The following UBR1 variants were observed in gnomAD, a reference collection of about 807,000 sequenced individuals.
The protein encoded by UBR1 is E3 ubiquitin-protein ligase UBR1.
In UBR1, 102 loss-of-function variants were observed where a neutral mutation model predicts 242.1. The observed-to-expected ratio is 0.42, with a 90% CI of 0.36 to 0.50. The LOEUF (loss-of-function observed/expected upper bound fraction) is 0.50, where lower values mean the gene tolerates loss of function less well. Among genes scored for constraint, UBR1 ranks in the 20% least tolerant of loss-of-function variants. The probability of loss-of-function intolerance (pLI) is 0.01; values close to 1 mark genes in which losing one functional copy is unlikely to be tolerated. For synonymous variants in UBR1, 675 were observed against 684.8 expected (o/e 0.99, Z 0.22); for missense variants, 1,772 against 2,101.8 (o/e 0.84, Z 3.07).
At position 43,055,007 on chromosome 15, in the gene UBR1, T is replaced by C. The variant is rs966992607; in HGVS notation, c.1282-108A>G. On this transcript the variant is annotated intron_variant, in intron 11 of 46. Transcript: ENST00000290650. The stretch of plus-strand genomic sequence containing the variant: ...GTATGTCATTTTTAATAAATGTTTG[T>C]TATTGAATGTTAAACACAGTCCTTA... 3.2e-6 allele frequency: 4 copies of C among 1,260,612 alleles called. No individual in the cohort carries two copies. In the Admixed American group the frequency reaches 5.9e-5, roughly 19 times the overall value. 78.1% of individuals were successfully genotyped at this position (1,260,612 alleles called of 1,614,324 possible).
chr15:43,075,127 A>G (rs780888432), intron 3 of UBR1, 38 bp from the exon 4 acceptor site: 11 of 1,419,090 alleles, frequency 7.8e-6, no homozygotes, highest in Non-Finnish European at 1.1e-5. Context: ...GATTTCAAAC[A>G]TTTTACTAAG....
chr15:43,068,925 C>T (rs916477382), intron 5 of UBR1, among the ~76,000 whole-genome samples: 4 of 152,182 alleles, frequency 2.6e-5, no homozygotes, highest in African/African-American at 9.7e-5. Flanking sequence ...ATCTCCTATT[C>T]TGACAAAAGG....
intron 15 of UBR1, among the ~76,000 whole-genome samples, chr15:43,039,949 G>T (rs1331136443): frequency 6.6e-6 from 1 of 152,102 alleles, no homozygotes; most frequent in East Asian, 1.9e-4. Flanking sequence ...TGTGGTTTTT[G>T]TCTTTGGTTC....
chr15:43,031,129 T>C (rs2033251781), intron 20 of UBR1, among the ~76,000 whole-genome samples: 1 of 152,142 alleles, frequency 6.6e-6, no homozygotes, highest in African/African-American at 2.4e-5. Context: ...AATCCAAATA[T>C]TTTTCTATTT....
At chr15:43,009,402 G>A (rs1352796250) in intron 29 of UBR1, among the ~76,000 whole-genome samples, 3 of 152,260 alleles carry the variant, frequency 2.0e-5, no homozygotes, top group Admixed American at 6.5e-5. Flanking sequence ...GCAGTGGCCA[G>A]ACCCTGCAGG....
chr15:43,105,957 A>AGGGGTCT lies in UBR1; in HGVS notation c.59_65dup (p.Gln23AspfsTer14). The AGGGGTCT allele has an allele frequency of 1.2e-6, 2 of 1,613,982 alleles. No individual in the cohort carries two copies. The highest frequency in any genetic ancestry group is 8.5e-7 in the Non-Finnish European group (1 of 1,179,958). ...AGGGACTTACAGATGCCAGACGCTG[A>AGGGGTCT]GGGGTCTGGGGTAACTCCGCGCTGA... is the stretch of plus-strand genomic sequence containing the variant. On this transcript the variant is annotated frameshift_variant, in exon 1 of 47. Coordinates refer to ENST00000290650, the MANE Select transcript of UBR1 (RefSeq NM_174916.3). LOFTEE classifies it high-confidence loss of function.
At chr15:43,017,380 G>C (rs2033041906) in intron 27 of UBR1, among the ~76,000 whole-genome samples, 199 bp from the exon 28 acceptor site, 1 of 152,230 alleles carries the variant, frequency 6.6e-6, no homozygotes, top group African/African-American at 2.4e-5. Context: ...CTGAGGAGGA[G>C]GCCACTGGTA....
At chr15:43,085,792 C>T (rs755389450) in intron 2 of UBR1, among the ~76,000 whole-genome samples, 192 bp downstream of exon 2, 41 of 151,648 alleles carry the variant, frequency 2.7e-4, no homozygotes, top group African/African-American at 8.5e-4. Flanking sequence ...GGCGGGCACC[C>T]GTAATCCTAG....
intron 4 of UBR1, among the ~76,000 whole-genome samples, chr15:43,073,551 ACTT>A (rs1219086904): frequency 6.6e-6 from 1 of 152,212 alleles, no homozygotes; most frequent in African/African-American, 2.4e-5. Flanking sequence ...ATAAGCGCTT[ACTT>A]CATTCCCTTT....
At chr15:42,987,827 T>TA (rs1277498006) in intron 35 of UBR1, among the ~76,000 whole-genome samples, 2 of 151,924 alleles carry the variant, frequency 1.3e-5, no homozygotes, top group African/African-American at 4.8e-5. Flanking sequence ...TGGACTCCAT[T>TA]AAAAACAATT....
chr15:43,037,665 T>G (rs1045483423), intron 17 of UBR1, 108 bp downstream of exon 17: 2 of 892,770 alleles, frequency 2.2e-6, no homozygotes, highest in African/African-American at 3.3e-5. Flanking sequence ...TACAAGAGAA[T>G]AGTAACATAC....
At chr15:43,018,698 T>G (rs1450863896) in intron 27 of UBR1, among the ~76,000 whole-genome samples, 1 of 152,148 alleles carries the variant, frequency 6.6e-6, no homozygotes, top group African/African-American at 2.4e-5. Context: ...GTAAAATTTA[T>G]TTATATTTTG....
chr15:43,101,622 G>A (rs2034235985), intron 1 of UBR1, among the ~76,000 whole-genome samples: 1 of 152,098 alleles, frequency 6.6e-6, no homozygotes, highest in Non-Finnish European at 1.5e-5. Flanking sequence ...TTGAGGTCGG[G>A]AGTTCGAGAC....
intron 1 of UBR1, among the ~76,000 whole-genome samples, chr15:43,095,071 G>A (rs2141368421): frequency 6.6e-6 from 1 of 152,206 alleles, no homozygotes; most frequent in South Asian, 2.1e-4. Context: ...CATAAACTCT[G>A]AGGTATCTAT....
chr15:43,093,827 C>T (rs911120860), intron 1 of UBR1, among the ~76,000 whole-genome samples: 1 of 149,686 alleles, frequency 6.7e-6, no homozygotes, highest in Non-Finnish European at 1.5e-5. Flanking sequence ...AAGGCAAGCT[C>T]ATAACTAAGC....
chr15:43,024,020 A>G (rs908750554), intron 25 of UBR1, among the ~76,000 whole-genome samples: 24 of 152,258 alleles, frequency 1.6e-4, no homozygotes, highest in African/African-American at 5.3e-4. Context: ...GCTATCAAGA[A>G]TAAGTAGATC....
chr15:43,074,633 T>G (rs1429579066), intron 4 of UBR1, among the ~76,000 whole-genome samples: 1 of 152,184 alleles, frequency 6.6e-6, no homozygotes, highest in Non-Finnish European at 1.5e-5. Context: ...TTTCATCATG[T>G]TGGCCAGGCT....
At chr15:43,003,986 T>C in intron 30 of UBR1, 56 bp from the exon 31 acceptor site, 2 of 1,472,902 alleles carry the variant, frequency 1.4e-6, no homozygotes, top group Admixed American at 3.3e-5. Flanking sequence ...AGGTCCAAAG[T>C]CTAATCACAA....
intron 15 of UBR1, among the ~76,000 whole-genome samples, chr15:43,041,240 A>G (rs567932001): frequency 2.6e-5 from 4 of 152,228 alleles, no homozygotes; most frequent in African/African-American, 9.6e-5. Context: ...TGGCACATAT[A>G]CACCATGGAA....
Sources: gnomAD v4.1 joint callset for allele counts (sites outside exome capture counted in the v4.1 genomes callset) on GRCh38, gnomAD v4.1.1 for gene constraint, MANE v1.5 for transcripts, NCBI Gene and HGNC (gene_info 2026-07-23, HGNC 2026-07-21) for gene names.